Variants in ABLIM1 observed in about 807,000 individuals in gnomAD.
The protein encoded by ABLIM1 is actin-binding LIM protein 1.
A neutral mutation model predicts 107.0 loss-of-function variants in ABLIM1; 40 were observed. The observed-to-expected ratio is 0.37, with a 90% CI of 0.29 to 0.49. The LOEUF (loss-of-function observed/expected upper bound fraction) is 0.49, where lower values mean the gene tolerates loss of function less well. ABLIM1 is among the 20% of genes least tolerant of loss of function. ABLIM1 has a pLI of 0.97. For synonymous variants in ABLIM1, 357 were observed against 357.3 expected, an observed-to-expected ratio of 1.00 and a Z score of 0.01; for missense variants, 857 against 1,008.5, an observed-to-expected ratio of 0.85 and a Z score of 2.04.
chr10:114,465,441 A>G, intron 12 of ABLIM1: 1 of 309,024 alleles, frequency 3.2e-6, no homozygotes, highest in Non-Finnish European at 5.5e-6. Context: ...AAATTTTTAA[A>G]AAAACCCCTT....
At chr10:114,632,806 C>T in intron 1 of ABLIM1, 1 of 984,884 alleles carries the variant, frequency 1.0e-6, no homozygotes, top group Non-Finnish European at 1.2e-6. Flanking sequence ...GGGAGGAACT[C>T]CAGTCACAAT....
chr10:114,508,626 C>A (rs1182924497), intron 6 of ABLIM1, among the ~76,000 whole-genome samples: 1 of 152,082 alleles, frequency 6.6e-6, no homozygotes, highest in African/African-American at 2.4e-5. Flanking sequence ...GAGTTCAAGG[C>A]TGCAATGAGC....
chr10:114,571,282 C>T lies in ABLIM1; in HGVS notation c.673+15G>A. Reference sequence around the variant, plus strand: ...TACATAGGTATTCACGTCAGTGGGTCACCGGGGCACTTACTGCTGGAGAAG... The same window carrying T: ...TACATAGGTATTCACGTCAGTGGGTTACCGGGGCACTTACTGCTGGAGAAG... On this transcript the variant is annotated intron_variant, in intron 4 of 22. Coordinates refer to ENST00000533213, the MANE Select transcript of ABLIM1 (RefSeq NM_002313.7). The T allele has an allele frequency of 1.2e-6, 2 of 1,613,076 alleles. No individual in the cohort carries two copies. The highest frequency in any genetic ancestry group is 1.7e-6 in the Non-Finnish European group (2 of 1,179,036).
At chr10:114,593,097 C>A (rs550929743) in intron 2 of ABLIM1, among the ~76,000 whole-genome samples, 1 of 151,954 alleles carries the variant, frequency 6.6e-6, no homozygotes, top group Non-Finnish European at 1.5e-5. Context: ...AGTTGTGAAA[C>A]GCTTATTTTA....
chr10:114,758,321 T>C (rs2082674974), intron 1 of ABLIM1, among the ~76,000 whole-genome samples: 1 of 152,138 alleles, frequency 6.6e-6, no homozygotes, highest in African/African-American at 2.4e-5. Flanking sequence ...ATATAAAGCA[T>C]CTAACCACAG....
At chr10:114,442,884 G>C (rs533134958) in intron 17 of ABLIM1, among the ~76,000 whole-genome samples, 2 of 151,996 alleles carry the variant, frequency 1.3e-5, no homozygotes, top group Non-Finnish European at 2.9e-5. Flanking sequence ...TCTCACCCAG[G>C]CTGGAGTGCA....
chr10:114,451,230 G>C (rs2061838689), intron 14 of ABLIM1, among the ~76,000 whole-genome samples: 1 of 152,186 alleles, frequency 6.6e-6, no homozygotes, highest in Non-Finnish European at 1.5e-5. Flanking sequence ...AGTCAAATTA[G>C]TTTTTCTAGG....
chr10:114,661,327 T>C (rs953530473), upstream of ABLIM1, among the ~76,000 whole-genome samples: 1 of 152,210 alleles, frequency 6.6e-6, no homozygotes, highest in African/African-American at 2.4e-5. Flanking sequence ...GTTCAGATGC[T>C]GGCAGCAGTG....
At chr10:114,570,847 C>T (rs956459786) in intron 4 of ABLIM1, among the ~76,000 whole-genome samples, 1 of 152,044 alleles carries the variant, frequency 6.6e-6, no homozygotes, top group Non-Finnish European at 1.5e-5. Flanking sequence ...CTCAAGCAAT[C>T]CTCCCGCCTC....
Position 114,708,127 on chromosome 10 carries a change from G to A in ABLIM1, c.-213+59934C>T, listed in dbSNP as rs552924656. On this transcript the variant is annotated intron_variant, in intron 1 of 15. Coordinates refer to the ABLIM1 transcript ENST00000651092. ...AACCTTAGTCACTAAGGAGAAGAGC[G>A]TTTAAAAAAGGAGCCCCCATGAGAA... Among the ~76,000 whole-genome samples, 89 of 152,210 alleles carry A rather than the reference G, an allele frequency of 5.8e-4. 1 individual carries two copies. The highest frequency in any genetic ancestry group is 2.2e-3 in the Admixed American group (34 of 15,288).
intron 2 of ABLIM1, among the ~76,000 whole-genome samples, chr10:114,583,200 AC>A (rs1226413732): frequency 6.6e-6 from 1 of 151,520 alleles, no homozygotes; most frequent in Non-Finnish European, 1.5e-5. Flanking sequence ...TGGCCAAAAA[AC>A]ATGTCTTCTT....
At chr10:114,783,831 T>C in the ABLIM1 span, among the ~76,000 whole-genome samples, 1 of 151,752 alleles carries the variant, frequency 6.6e-6, no homozygotes, top group Non-Finnish European at 1.5e-5. Flanking sequence ...TGGAAAGAAA[T>C]GTTTGCAATA....
chr10:114,689,463 G>A (rs985637337), upstream of ABLIM1, among the ~76,000 whole-genome samples: 9 of 148,884 alleles, frequency 6.0e-5, no homozygotes, highest in African/African-American at 2.2e-4. Flanking sequence ...CCGGGTTCAA[G>A]CCATTCTCAT....
intron 1 of ABLIM1, among the ~76,000 whole-genome samples, chr10:114,642,710 C>A (rs1297562287): frequency 6.6e-6 from 1 of 152,088 alleles, no homozygotes. Flanking sequence ...TATATTTTGG[C>A]AAAATTTGAT....
At chr10:114,454,499 C>G (rs1281355210) in intron 12 of ABLIM1, among the ~76,000 whole-genome samples, 1 of 152,024 alleles carries the variant, frequency 6.6e-6, no homozygotes, top group African/African-American at 2.4e-5. Context: ...AGGGTGCAGA[C>G]TGGAGGAGCA....
intron 13 of ABLIM1, among the ~76,000 whole-genome samples, chr10:114,452,869 T>C (rs1475765225): frequency 6.6e-6 from 1 of 152,252 alleles, no homozygotes; most frequent in East Asian, 1.9e-4. Context: ...ATGGCTAGTC[T>C]GTTATGCGCT....
intron 1 of ABLIM1, chr10:114,632,034 G>A (rs2078216984): frequency 1.6e-6 from 2 of 1,272,706 alleles, no homozygotes; most frequent in South Asian, 2.6e-5. Context: ...GAGAAGCCCC[G>A]GCATCCGCTT....
chr10:114,677,449 C>T (rs1234797104), intron 1 of ABLIM1, among the ~76,000 whole-genome samples: 2 of 152,128 alleles, frequency 1.3e-5, no homozygotes, highest in Non-Finnish European at 2.9e-5. Context: ...ACACTCCAAA[C>T]TCTTCTGTAT....
intron 1 of ABLIM1, among the ~76,000 whole-genome samples, chr10:114,693,453 C>G (rs76107630): frequency 0.011 from 1,648 of 152,266 alleles, 42 homozygotes; most frequent in African/African-American, 0.037. Context: ...GAGCAACATG[C>G]TCTCATGCGT....
Sources: allele counts gnomAD v4.1 joint callset (sites outside exome capture counted in the v4.1 genomes callset), GRCh38; gene constraint gnomAD v4.1.1; transcripts MANE v1.5; gene names NCBI Gene and HGNC (gene_info 2026-07-23, HGNC 2026-07-21).